The following NKAIN2 variants were observed in gnomAD, a reference collection of about 807,000 sequenced individuals.
The protein encoded by NKAIN2 is sodium/potassium transporting ATPase interacting 2, also known as sodium/potassium-transporting ATPase subunit beta-1-interacting protein 2.
NKAIN2 carries 14 observed loss-of-function variants against 32.6 expected under a neutral mutation model. That is an observed-to-expected ratio of 0.43 (90% confidence interval 0.28 to 0.67). NKAIN2 has a LOEUF of 0.67. NKAIN2 is among the 30% of genes least tolerant of loss of function. NKAIN2 has a pLI of 0.17. For synonymous variants in NKAIN2, 80 were observed against 87.2 expected (o/e 0.92, Z 0.46); for missense variants, 198 against 258.3 (o/e 0.77, Z 1.60).
intron 5 of NKAIN2, among the ~76,000 whole-genome samples, chr6:124,812,006 G>A (rs1410519007): frequency 6.6e-6 from 1 of 151,982 alleles, no homozygotes; most frequent in African/African-American, 2.4e-5. Flanking sequence ...CCTATAAACT[G>A]GCCAGAAGGA....
At chr6:124,149,209 G>A (rs1219634117) in intron 1 of NKAIN2, among the ~76,000 whole-genome samples, 5 of 151,930 alleles carry the variant, frequency 3.3e-5, no homozygotes, top group Non-Finnish European at 7.4e-5. Flanking sequence ...TGAATATAAA[G>A]CCTTTGGCAG....
intron 1 of NKAIN2, among the ~76,000 whole-genome samples, chr6:124,205,010 T>A (rs181224869): frequency 1.3e-5 from 2 of 151,564 alleles, no homozygotes; most frequent in Non-Finnish European, 3.0e-5. Context: ...ATATATCAAA[T>A]TTTAAACTTT....
intron 4 of NKAIN2, among the ~76,000 whole-genome samples, chr6:124,733,102 G>A (rs1776767248): frequency 6.6e-6 from 1 of 151,884 alleles, no homozygotes; most frequent in Non-Finnish European, 1.5e-5. Flanking sequence ...GCGGTATTCT[G>A]AACAAACCAA....
At chr6:124,409,125 G>C (rs183206788) in intron 3 of NKAIN2, among the ~76,000 whole-genome samples, 172 of 152,236 alleles carry the variant, frequency 1.1e-3, no homozygotes, top group Admixed American at 3.2e-3. Context: ...GATATACAAT[G>C]ATGTCGTCTG....
In NKAIN2 at chr6:124,429,818, G is replaced by A. The variant is rs749590387; in HGVS notation, c.273+74471G>A. Among the ~76,000 whole-genome samples, 7 of 152,138 alleles carry A rather than the reference G, an allele frequency of 4.6e-5. No individual in the cohort carries two copies. In the South Asian group the frequency reaches 6.2e-4, roughly 14 times the overall value. On this transcript the variant is annotated intron_variant, in intron 3 of 6. Transcript: ENST00000368417. ...TCCCCTTGCTGCCAGGTCTTTTCAC[G>A]TCCCTGGGCCTATCCTGAATTGCTG...
chr6:124,311,145 T>TGTGAAAG lies in NKAIN2; in HGVS notation c.192+28003_192+28004insGTGAAAG, dbSNP rs1421959554. ...GTAGAGCAAAGAACAGTGAAGATAC[T>TGTGAAAG]CAGTGAAAGCAGAAAGAGGGGACAA... On this transcript the variant is annotated intron_variant, in intron 2 of 6. Transcript: ENST00000368417. Among the ~76,000 whole-genome samples the TGTGAAAG allele has an allele frequency of 5.3e-5, 8 of 151,956 alleles. No homozygotes were observed. The South Asian group carries it at 6.2e-4, about 12-fold the overall frequency.
intron 1 of NKAIN2, among the ~76,000 whole-genome samples, chr6:123,954,111 A>G (rs570991798): frequency 6.6e-6 from 1 of 152,310 alleles, no homozygotes; most frequent in South Asian, 2.1e-4. Context: ...CAGCTGCAGC[A>G]GTTACTGTAG....
At chr6:124,645,989 TTATTA>T (rs1249839639) in intron 3 of NKAIN2, among the ~76,000 whole-genome samples, 2 of 152,328 alleles carry the variant, frequency 1.3e-5, no homozygotes, top group East Asian at 1.9e-4. Flanking sequence ...TTTATTTTCC[TTATTA>T]TATTAATCAC....
chr6:124,670,343 G>C (rs1279381439), intron 4 of NKAIN2, among the ~76,000 whole-genome samples: 1 of 152,028 alleles, frequency 6.6e-6, no homozygotes, highest in South Asian at 2.1e-4. Flanking sequence ...CTGTACAGAT[G>C]AGTTCATATA....
At chr6:124,713,771 C>A (rs1309685135) in intron 4 of NKAIN2, among the ~76,000 whole-genome samples, 1 of 152,086 alleles carries the variant, frequency 6.6e-6, no homozygotes, top group Non-Finnish European at 1.5e-5. Flanking sequence ...AATAAAGAGG[C>A]AGAATTTTAC....
chr6:124,576,667 A>G (rs1326536461), intron 3 of NKAIN2, among the ~76,000 whole-genome samples: 1 of 149,996 alleles, frequency 6.7e-6, no homozygotes, highest in Non-Finnish European at 1.5e-5. Flanking sequence ...ATTATGCCAG[A>G]TAGACCAATA....
intron 3 of NKAIN2, among the ~76,000 whole-genome samples, chr6:124,543,598 C>T (rs1474794279): frequency 1.3e-5 from 2 of 152,036 alleles, no homozygotes; most frequent in Non-Finnish European, 2.9e-5. Flanking sequence ...CACACCACAA[C>T]ACAAAAGATG....
intron 2 of NKAIN2, among the ~76,000 whole-genome samples, chr6:124,332,798 A>C (rs1466583684): frequency 6.6e-6 from 1 of 152,220 alleles, no homozygotes; most frequent in Admixed American, 6.5e-5. Flanking sequence ...GCCCATGGGC[A>C]CTGCAGCTAA....
intron 3 of NKAIN2, among the ~76,000 whole-genome samples, chr6:124,486,112 AT>A: frequency 6.6e-6 from 1 of 152,328 alleles, no homozygotes; most frequent in Non-Finnish European, 1.5e-5. Context: ...GTTATAAAGA[AT>A]ATAAACTAAT....
chr6:124,135,281 C>T (rs1255143236), intron 1 of NKAIN2, among the ~76,000 whole-genome samples: 2 of 151,470 alleles, frequency 1.3e-5, no homozygotes, highest in Non-Finnish European at 2.9e-5. Context: ...AATCTCAATA[C>T]TAATATTTAA....
intron 1 of NKAIN2, among the ~76,000 whole-genome samples, chr6:124,263,390 G>T (rs947996863): frequency 1.3e-5 from 2 of 152,122 alleles, no homozygotes; most frequent in African/African-American, 4.8e-5. Flanking sequence ...CGTAGAAAAC[G>T]AGGTTTGAGA....
intron 5 of NKAIN2, among the ~76,000 whole-genome samples, chr6:124,815,558 C>A (rs113206119): frequency 1.3e-5 from 2 of 151,842 alleles, no homozygotes; most frequent in Non-Finnish European, 2.9e-5. Context: ...GCGTGAGCCA[C>A]GGCACCCAGC....
chr6:123,808,324 C>T (rs1316288666), intron 1 of NKAIN2, among the ~76,000 whole-genome samples: 1 of 152,106 alleles, frequency 6.6e-6, no homozygotes, highest in Non-Finnish European at 1.5e-5. Context: ...GTTAACCAAA[C>T]TTACTCATGA....
At chr6:124,527,678 A>G (rs1227211970) in intron 3 of NKAIN2, among the ~76,000 whole-genome samples, 3 of 152,208 alleles carry the variant, frequency 2.0e-5, no homozygotes, top group Non-Finnish European at 4.4e-5. Flanking sequence ...AGTAAGCAAC[A>G]TGATAAAGCA....
Sources: gnomAD v4.1 joint callset for allele counts (sites outside exome capture counted in the v4.1 genomes callset) on GRCh38, gnomAD v4.1.1 for gene constraint, MANE v1.5 for transcripts, NCBI Gene and HGNC (gene_info 2026-07-23, HGNC 2026-07-21) for gene names.